Variants in XXYLT1 observed in about 807,000 individuals in gnomAD.
XXYLT1 encodes the protein UDP-xylose:alpha-xyloside alpha-1,3-xylosyltransferase.
Under a neutral mutation model 28.9 loss-of-function variants are expected in XXYLT1, and 20 were observed. The observed-to-expected ratio is 0.69, with a 90% CI of 0.49 to 1.00. The LOEUF (loss-of-function observed/expected upper bound fraction) is 1.00. Ranked by LOEUF, XXYLT1 falls within the 50% of genes least tolerant of loss-of-function variation. XXYLT1 has a pLI of 0.00. For missense variants in XXYLT1, 542 were observed against 560.1 expected (o/e 0.97, Z 0.33); for synonymous variants, 257 against 253.8 (o/e 1.01, Z -0.12).
Position 195,133,383 on chromosome 3 carries a change from A to T in XXYLT1, c.785+23066T>A, listed in dbSNP as rs892287256. Among the ~76,000 whole-genome samples the T allele has an allele frequency of 1.6e-4, 24 of 152,292 alleles. No homozygotes were observed. The highest frequency in any genetic ancestry group is 2.2e-4 in the Non-Finnish European group (15 of 68,020). ...GAAGAAGGGTGGGAACTTTCTTCTC[A>T]AGTAAGAAGGAAAACACTGGAGAAT... On this transcript the variant is annotated intron_variant, in intron 3 of 3. Transcript: ENST00000310380. This position sits in a 1 kb window ranked among gnomAD's most constrained non-coding sequence, Gnocchi z 4.4.
chr3:195,199,916 A>G (rs1421622690), intron 2 of XXYLT1, among the ~76,000 whole-genome samples: 1 of 152,204 alleles, frequency 6.6e-6, no homozygotes, highest in Non-Finnish European at 1.5e-5. Context: ...ATTTAGGATA[A>G]TGTAGAAAGG....
intron 2 of XXYLT1, among the ~76,000 whole-genome samples, chr3:195,170,800 C>T (rs1357552626): frequency 6.6e-6 from 1 of 151,996 alleles, no homozygotes; most frequent in Non-Finnish European, 1.5e-5. Context: ...CCTAGCACTT[C>T]GCGAGGCCAA....
intron 1 of XXYLT1, among the ~76,000 whole-genome samples, chr3:195,258,247 T>TAGTGTGGC (rs1235659054): frequency 1.3e-5 from 2 of 151,926 alleles, no homozygotes; most frequent in African/African-American, 2.4e-5. Flanking sequence ...CTCAGGGGGA[T>TAGTGTGGC]AGTGTGGCAG....
intron 2 of XXYLT1, among the ~76,000 whole-genome samples, chr3:195,205,242 A>G (rs1392548012): frequency 6.6e-6 from 1 of 152,276 alleles, no homozygotes; most frequent in African/African-American, 2.4e-5. Context: ...CTTTATGCAT[A>G]CTAGCCGCAA....
intron 2 of XXYLT1, among the ~76,000 whole-genome samples, chr3:195,201,990 A>G (rs542635765): frequency 6.6e-6 from 1 of 152,312 alleles, no homozygotes; most frequent in South Asian, 2.1e-4. Flanking sequence ...CAGCCTGACC[A>G]ACATGGAGAA....
intron 1 of XXYLT1, among the ~76,000 whole-genome samples, chr3:195,233,449 T>G (rs1003745835): frequency 6.6e-6 from 1 of 152,210 alleles, no homozygotes; most frequent in Non-Finnish European, 1.5e-5. Context: ...TCCCTTTTAG[T>G]AAAGGTGATT....
chr3:195,271,105 C>T lies in XXYLT1; in HGVS notation c.-47G>A. The T allele has an allele frequency of 7.8e-7, 1 of 1,286,032 alleles. No individual in the cohort carries two copies. Among genetic ancestry groups the T allele is most frequent in the South Asian group, 2.4e-5 (1 of 41,172 alleles). 79.7% of individuals were successfully genotyped at this position (1,286,032 alleles called of 1,614,324 possible). On this transcript the variant is annotated 5_prime_UTR_variant, in exon 1 of 4. Coordinates refer to ENST00000310380, the MANE Select transcript of XXYLT1 (RefSeq NM_152531.5). ...AGCGGTGCCAGCAACGCGGGAGAGC[C>T]CTCGGGTACCCGGACGCCGGCGGCC...
chr3:195,110,858 A>AGTGTGTGTGTG (rs1553804041), intron 3 of XXYLT1, among the ~76,000 whole-genome samples: 1 of 11,876 alleles, frequency 8.4e-5, no homozygotes, highest in Non-Finnish European at 2.1e-4. Context: ...GTGTTGTATA[A>AGTGTGTGTGTG]GTGTGTGTGT....
intron 2 of XXYLT1, among the ~76,000 whole-genome samples, chr3:195,215,164 G>A (rs974467723): frequency 6.6e-6 from 1 of 151,508 alleles, no homozygotes; most frequent in African/African-American, 2.4e-5. Context: ...AAGAGTTCCT[G>A]AAGGAAGCAC....
At chr3:195,263,788 G>A (rs1725762449) in intron 1 of XXYLT1, among the ~76,000 whole-genome samples, 1 of 152,184 alleles carries the variant, frequency 6.6e-6, no homozygotes. Context: ...GCTGAGGTTT[G>A]AGGGAAAAGG....
rs1356875350 is a variant in XXYLT1, at chr3:195,114,553, C to T, written c.785+41896G>A. 2.6e-5 allele frequency among the ~76,000 whole-genome samples: 4 copies of T among 152,198 alleles called. 1 individual carries two copies. In the South Asian group the frequency reaches 6.2e-4, roughly 24 times the overall value. On this transcript the variant is annotated intron_variant, in intron 3 of 3. Transcript: ENST00000310380. ...CCCCTACACCCACAATCACATTATA[C>T]AACCATGTCATCAACAAGTACATTT...
Position 195,153,400 on chromosome 3 carries a change from T to C in XXYLT1, c.785+3049A>G, listed in dbSNP as rs540213600. Among the ~76,000 whole-genome samples the C allele has an allele frequency of 2.0e-5, 3 of 152,218 alleles. No homozygotes were observed. The South Asian group carries it at 6.2e-4, about 32-fold the overall frequency. ...GCACGCGGCAGGCAGTGCAGGGCTG[T>C]CATCTGCAGACTCCATTATTAAAGG... is the stretch of plus-strand genomic sequence containing the variant. On this transcript the variant is annotated intron_variant, in intron 3 of 3. Coordinates refer to ENST00000310380, the MANE Select transcript of XXYLT1 (RefSeq NM_152531.5).
At chr3:195,127,772 A>ATGTGTGTGTG (rs3073344) in intron 3 of XXYLT1, among the ~76,000 whole-genome samples, 25,000 of 151,440 alleles carry the variant, frequency 0.17, 2,756 homozygotes, top group East Asian at 0.56. Flanking sequence ...GTGAGACAAA[A>ATGTGTGTGTG]TGTGTGTGTG....
chr3:195,115,379 G>A lies in XXYLT1; in HGVS notation c.785+41070C>T, dbSNP rs2108604034. The stretch of plus-strand genomic sequence containing the variant: ...CAGCCTCCTAGAGAGTCCAGGAATG[G>A]CTGTGGGCTGGCAACAGCTGCTTCT... On this transcript the variant is annotated intron_variant, in intron 3 of 3. Coordinates refer to ENST00000310380, the MANE Select transcript of XXYLT1 (RefSeq NM_152531.5). This position sits in a 1 kb window ranked among gnomAD's most constrained non-coding sequence, Gnocchi z 4.2. Among the ~76,000 whole-genome samples, 1 of 152,266 alleles carries A rather than the reference G, an allele frequency of 6.6e-6. No homozygotes were observed. The highest frequency in any genetic ancestry group is 2.1e-4 in the South Asian group (1 of 4,826).
At chr3:195,202,101 T>C (rs1331130191) in intron 2 of XXYLT1, among the ~76,000 whole-genome samples, 2 of 152,016 alleles carry the variant, frequency 1.3e-5, no homozygotes, top group Non-Finnish European at 2.9e-5. Context: ...TGCTTGAACC[T>C]GGGAGGTGGA....
At chr3:195,170,306 A>T (rs1721345977) in intron 2 of XXYLT1, among the ~76,000 whole-genome samples, 1 of 152,258 alleles carries the variant, frequency 6.6e-6, no homozygotes, top group Non-Finnish European at 1.5e-5. Flanking sequence ...ACATTTTAAA[A>T]GAAATTAATT....
At chr3:195,128,859 C>A (rs1718765866) in intron 3 of XXYLT1, among the ~76,000 whole-genome samples, 1 of 152,154 alleles carries the variant, frequency 6.6e-6, no homozygotes, top group Non-Finnish European at 1.5e-5. Flanking sequence ...CACTGGTACA[C>A]AATAAATATT....
At chr3:195,203,139 A>G (rs900023426) in intron 2 of XXYLT1, among the ~76,000 whole-genome samples, 1 of 152,012 alleles carries the variant, frequency 6.6e-6, no homozygotes, top group Non-Finnish European at 1.5e-5. Flanking sequence ...ACCTTCATAG[A>G]AAAAAAGTTA....
At chr3:195,148,882 C>T (rs917075248) in intron 3 of XXYLT1, among the ~76,000 whole-genome samples, 2 of 152,184 alleles carry the variant, frequency 1.3e-5, no homozygotes, top group African/African-American at 4.8e-5. Flanking sequence ...ATGACATTTA[C>T]AGACGAAATG....
Sources: allele counts gnomAD v4.1 joint callset (sites outside exome capture counted in the v4.1 genomes callset), GRCh38; gene constraint gnomAD v4.1.1; non-coding constraint Gnocchi (gnomAD v3.1); transcripts MANE v1.5; gene names NCBI Gene and HGNC (gene_info 2026-07-23, HGNC 2026-07-21).